The following CACNA1E variants were observed in gnomAD, a reference collection of about 807,000 sequenced individuals.
CACNA1E encodes voltage-dependent R-type calcium channel subunit alpha-1E.
In CACNA1E, 40 loss-of-function variants were observed where a neutral mutation model predicts 259.2. The ratio of observed to expected loss-of-function variants is 0.15; its 90% CI spans 0.12 to 0.20. CACNA1E has a LOEUF of 0.20. CACNA1E is among the 10% of genes least tolerant of loss of function. The pLI is 1.00. For synonymous variants in CACNA1E, 1,104 were observed against 1,138.5 expected (o/e 0.97, Z 0.61); for missense variants, 1,874 against 3,040.1 (o/e 0.62, Z 9.02).
intron 7 of CACNA1E, among the ~76,000 whole-genome samples, chr1:181,677,211 A>T (rs1448655597): frequency 3.3e-5 from 5 of 152,126 alleles, no homozygotes; most frequent in Admixed American, 2.6e-4. Context: ...TAGATGATAG[A>T]TCTAAAGTCA....
chr1:181,777,959 C>T (rs1660108654), intron 38 of CACNA1E, among the ~76,000 whole-genome samples: 1 of 152,214 alleles, frequency 6.6e-6, no homozygotes, highest in Non-Finnish European at 1.5e-5. Flanking sequence ...CTTGTGGTTT[C>T]ACTTATCTTG....
At chr1:181,380,493 G>A (rs981264968) in intron 1 of CACNA1E, among the ~76,000 whole-genome samples, 1 of 152,124 alleles carries the variant, frequency 6.6e-6, no homozygotes. Flanking sequence ...AAAGAAAACT[G>A]CAAATCAACA....
At chr1:181,404,875 T>A (rs1016078092) in intron 1 of CACNA1E, among the ~76,000 whole-genome samples, 10 of 152,218 alleles carry the variant, frequency 6.6e-5, no homozygotes, top group Admixed American at 1.3e-4. Flanking sequence ...CTGGCCAACA[T>A]GTGAGGCACT....
intron 2 of CACNA1E, among the ~76,000 whole-genome samples, chr1:181,435,598 A>T (rs906567599): frequency 2.6e-5 from 4 of 152,068 alleles, no homozygotes; most frequent in African/African-American, 9.7e-5. Context: ...ACTCTATTTC[A>T]TTGTAATTAC....
intron 3 of CACNA1E, among the ~76,000 whole-genome samples, chr1:181,520,690 T>C (rs1258215962): frequency 1.3e-5 from 2 of 152,256 alleles, no homozygotes; most frequent in African/African-American, 4.8e-5. Flanking sequence ...ATCAGCAGCA[T>C]ATCTAATTTT....
At chr1:181,623,208 G>A (rs1655882555) in intron 6 of CACNA1E, among the ~76,000 whole-genome samples, 2 of 152,060 alleles carry the variant, frequency 1.3e-5, no homozygotes, top group Non-Finnish European at 1.5e-5. Context: ...GGCCCACAAT[G>A]GTAAACCCCT....
chr1:181,714,525 C>G (rs1450181842), intron 8 of CACNA1E, among the ~76,000 whole-genome samples: 3 of 152,094 alleles, frequency 2.0e-5, no homozygotes, highest in Admixed American at 6.5e-5. Flanking sequence ...TCTAGTGCCC[C>G]TCCTCCCTAG....
chr1:181,458,272 C>G, intron 2 of CACNA1E, among the ~76,000 whole-genome samples: 1 of 152,172 alleles, frequency 6.6e-6, no homozygotes, highest in East Asian at 1.9e-4. Flanking sequence ...CAGGCTGGTG[C>G]TTCGGGGACT....
At chr1:181,379,586 C>G (rs1009503045) in intron 1 of CACNA1E, among the ~76,000 whole-genome samples, 1 of 152,136 alleles carries the variant, frequency 6.6e-6, no homozygotes, top group Non-Finnish European at 1.5e-5. Flanking sequence ...GGTGAGGTCT[C>G]ACTTTCTGGC....
intron 7 of CACNA1E, among the ~76,000 whole-genome samples, chr1:181,698,618 T>C (rs1309225292): frequency 6.6e-6 from 1 of 152,134 alleles, no homozygotes; most frequent in Non-Finnish European, 1.5e-5. Flanking sequence ...ATATGTATTG[T>C]ACGAATCCTC....
chr1:181,323,992 G>C (rs910880897), intron 1 of CACNA1E, among the ~76,000 whole-genome samples: 1 of 152,212 alleles, frequency 6.6e-6, no homozygotes, highest in Non-Finnish European at 1.5e-5. Flanking sequence ...CCTGGGCTTG[G>C]GGGGCAAAGC....
chr1:181,511,131 C>T (rs541088972), intron 2 of CACNA1E, among the ~76,000 whole-genome samples: 1 of 152,286 alleles, frequency 6.6e-6, no homozygotes, highest in South Asian at 2.1e-4. Flanking sequence ...GGAAGGAAGT[C>T]TAGCCCCTGG....
At chr1:181,475,960 CAG>C (rs1372047697) in intron 2 of CACNA1E, among the ~76,000 whole-genome samples, 1 of 151,930 alleles carries the variant, frequency 6.6e-6, no homozygotes, top group Non-Finnish European at 1.5e-5. Context: ...AGAAGTCAGA[CAG>C]AGGAAAGGGG....
rs150659397 is a variant in CACNA1E at position 181,678,872 on chromosome 1, G to C, written c.1055+27431G>C. Among the ~76,000 whole-genome samples, 10 of 152,288 alleles carry C rather than the reference G, an allele frequency of 6.6e-5. No homozygotes were observed. In the East Asian group the frequency reaches 1.7e-3, roughly 26 times the overall value. On this transcript the variant is annotated intron_variant, in intron 7 of 47. Transcript: ENST00000367573. ...TTAGCACAGTGCCTGGCACATAAGA[G>C]ATGTTCAGTAACACATAACTATTAA...
At chr1:181,792,418 A>ATT (rs1227400714) in intron 44 of CACNA1E, among the ~76,000 whole-genome samples, 1 of 152,170 alleles carries the variant, frequency 6.6e-6, no homozygotes, top group Non-Finnish European at 1.5e-5. Flanking sequence ...CGTGGCCATG[A>ATT]TTGTGTGTGT....
chr1:181,630,824 AC>A (rs1656662078), intron 6 of CACNA1E, among the ~76,000 whole-genome samples: 1 of 152,090 alleles, frequency 6.6e-6, no homozygotes, highest in African/African-American at 2.4e-5. Context: ...TCACCCTGGG[AC>A]CTGAAACATT....
At chr1:181,794,049 A>C (rs1028243140) in intron 45 of CACNA1E, among the ~76,000 whole-genome samples, 1 of 152,194 alleles carries the variant, frequency 6.6e-6, no homozygotes, top group African/African-American at 2.4e-5. Flanking sequence ...AGATTCAACC[A>C]GCCATGCAAG....
intron 1 of CACNA1E, among the ~76,000 whole-genome samples, chr1:181,364,070 C>A (rs1377059610): frequency 6.6e-6 from 1 of 152,166 alleles, no homozygotes; most frequent in African/African-American, 2.4e-5. Flanking sequence ...CTAGGCATGC[C>A]CTTCCCATTA....
chr1:181,415,919 G>A (rs1032899541), intron 2 of CACNA1E, among the ~76,000 whole-genome samples: 17 of 152,308 alleles, frequency 1.1e-4, no homozygotes, highest in South Asian at 4.2e-4. Flanking sequence ...CTTGCTGCTC[G>A]GGGCACTAGA....
Sources: allele counts gnomAD v4.1 joint callset (sites outside exome capture counted in the v4.1 genomes callset), GRCh38; gene constraint gnomAD v4.1.1; transcripts MANE v1.5; gene names NCBI Gene and HGNC (gene_info 2026-07-23, HGNC 2026-07-21).